PPARGC1A: variants seen among roughly 807,000 people sequenced by gnomAD.
PPARGC1A encodes the protein peroxisome proliferator-activated receptor gamma coactivator 1-alpha.
PPARGC1A carries 25 observed loss-of-function variants against 88.7 expected under a neutral mutation model. That is an observed-to-expected ratio of 0.28 (90% CI 0.21 to 0.39). The LOEUF (loss-of-function observed/expected upper bound fraction) is 0.39, where lower values mean the gene tolerates loss of function less well. PPARGC1A is among the 10% of genes least tolerant of loss of function. The probability of loss-of-function intolerance (pLI) is 1.00; values close to 1 mark genes in which losing one functional copy is unlikely to be tolerated. For synonymous variants in PPARGC1A, 363 were observed against 355.6 expected (o/e 1.02, Z -0.24); for missense variants, 880 against 968.7 (o/e 0.91, Z 1.22).
upstream of PPARGC1A, among the ~76,000 whole-genome samples, chr4:23,903,159 C>T (rs976838408): frequency 2.0e-5 from 3 of 152,110 alleles, no homozygotes; most frequent in Admixed American, 2.0e-4. Context: ...CTTAGCCCAT[C>T]CTATTTACTC....
At chr4:24,132,359 G>A in the PPARGC1A span, among the ~76,000 whole-genome samples, 4 of 151,916 alleles carry the variant, frequency 2.6e-5, no homozygotes, top group South Asian at 4.2e-4. Flanking sequence ...TGAAGAAAGC[G>A]ATAACTGCTG....
chr4:24,302,623 G>A, the PPARGC1A span, among the ~76,000 whole-genome samples: 1 of 152,222 alleles, frequency 6.6e-6, no homozygotes, highest in Non-Finnish European at 1.5e-5. Flanking sequence ...TACAGCAGGT[G>A]GATGAAGCAA....
rs139281425 is a variant in PPARGC1A at position 23,824,312 on chromosome 4, C to T, written c.845G>A (p.Arg282His). 8.0e-5 allele frequency: 129 copies of T among 1,613,278 alleles called. No individual in the cohort carries two copies. Among genetic ancestry groups the T allele is most frequent in the Non-Finnish European group, 1.0e-4 (120 of 1,179,638 alleles). ...TCCAGAGAGTTCCACACTTAAGGTGCGTTCAATAGTCTTGTTCTCAAATGG... is the reference window on the plus strand; with the variant it reads ...TCCAGAGAGTTCCACACTTAAGGTGTGTTCAATAGTCTTGTTCTCAAATGG... ...GSPFENKTIE[R>H]TLSVELSGTA... is the part of the protein sequence containing the mutation. Residue 282 changes from arginine to histidine, a missense_variant, in exon 7 of 13, where the codon CGC (arginine) becomes CAC (histidine). By Grantham distance (29) the Arg-to-His change is conservative. Coordinates refer to ENST00000264867, the MANE Select transcript of PPARGC1A (RefSeq NM_013261.5).
At chr4:24,344,996 T>C in the PPARGC1A span, among the ~76,000 whole-genome samples, 1 of 152,164 alleles carries the variant, frequency 6.6e-6, no homozygotes, top group Admixed American at 6.5e-5. Flanking sequence ...CCCAGCACCA[T>C]TTGTTGAAAA....
At chr4:24,469,416 T>G in the PPARGC1A span, among the ~76,000 whole-genome samples, 1 of 152,236 alleles carries the variant, frequency 6.6e-6, no homozygotes, top group Non-Finnish European at 1.5e-5. Context: ...CTGCCCCGGC[T>G]GCATTTACCA....
upstream of PPARGC1A, among the ~76,000 whole-genome samples, chr4:23,900,263 T>A (rs1042127948): frequency 1.3e-5 from 2 of 152,154 alleles, no homozygotes; most frequent in Admixed American, 6.5e-5. Context: ...AAAATTTTAG[T>A]CTTTCTTCTT....
chr4:24,053,260 T>A, the PPARGC1A span, among the ~76,000 whole-genome samples: 1 of 152,040 alleles, frequency 6.6e-6, no homozygotes, highest in Non-Finnish European at 1.5e-5. Context: ...TCCAGTTAAC[T>A]TAAAGGTTTT....
At chr4:23,978,540 G>A in the PPARGC1A span, among the ~76,000 whole-genome samples, 4 of 152,174 alleles carry the variant, frequency 2.6e-5, no homozygotes, top group Admixed American at 2.6e-4. Context: ...CAAAACAGAT[G>A]ATATATCCAA....
In PPARGC1A at chr4:23,805,931, A is replaced by G. The variant is rs151046241; in HGVS notation, c.2020-3586T>C. Among the ~76,000 whole-genome samples, 325 of 152,310 alleles carry G rather than the reference A, an allele frequency of 2.1e-3. 1 individual carries two copies. The highest frequency in any genetic ancestry group is 3.9e-3 in the South Asian group (19 of 4,830). On this transcript the variant is annotated intron_variant, in intron 10 of 12. Transcript: ENST00000264867. ...CATATGTATGCCCATATGCAGACAT[A>G]CTGGGACAGTCTCTGAATTGCAGCT...
At chr4:24,005,776 T>C in the PPARGC1A span, among the ~76,000 whole-genome samples, 6 of 151,540 alleles carry the variant, frequency 4.0e-5, no homozygotes, top group East Asian at 9.7e-4. Context: ...ATGTGTTGAT[T>C]GGCAAAAAAA....
At chr4:24,353,126 C>G in the PPARGC1A span, among the ~76,000 whole-genome samples, 16 of 151,802 alleles carry the variant, frequency 1.1e-4, no homozygotes, top group African/African-American at 3.9e-4. Flanking sequence ...GCAATCGAAC[C>G]AAAATCTGGC....
the PPARGC1A span, among the ~76,000 whole-genome samples, chr4:24,342,185 T>C: frequency 6.6e-6 from 1 of 152,210 alleles, no homozygotes; most frequent in Admixed American, 6.5e-5. Flanking sequence ...AGGCACTTGA[T>C]AAATACTTAT....
At chr4:24,365,680 A>G in the PPARGC1A span, among the ~76,000 whole-genome samples, 1 of 152,180 alleles carries the variant, frequency 6.6e-6, no homozygotes, top group African/African-American at 2.4e-5. Context: ...GTTGGGCTGC[A>G]TTCTCCAAAA....
upstream of PPARGC1A, among the ~76,000 whole-genome samples, chr4:23,901,220 A>C (rs1381908733): frequency 6.6e-6 from 1 of 152,142 alleles, no homozygotes; most frequent in Non-Finnish European, 1.5e-5. Flanking sequence ...AATATAAAAA[A>C]TTAGCCAGGC....
chr4:23,857,912 C>T (rs1730500191), intron 2 of PPARGC1A, among the ~76,000 whole-genome samples: 1 of 151,396 alleles, frequency 6.6e-6, no homozygotes, highest in Non-Finnish European at 1.5e-5. Flanking sequence ...TATCCTTCTG[C>T]CTTTCTGCTT....
At chr4:24,354,946 C>T in the PPARGC1A span, among the ~76,000 whole-genome samples, 1 of 152,066 alleles carries the variant, frequency 6.6e-6, no homozygotes, top group African/African-American at 2.4e-5. Context: ...TTGGCTTGGA[C>T]TTTTACCACT....
the PPARGC1A span, among the ~76,000 whole-genome samples, chr4:24,138,771 C>A: frequency 6.6e-6 from 1 of 152,132 alleles, no homozygotes; most frequent in Non-Finnish European, 1.5e-5. Flanking sequence ...CTCAGTTCAA[C>A]TAAAAACATC....
the PPARGC1A span, among the ~76,000 whole-genome samples, chr4:24,462,419 T>G: frequency 5.9e-4 from 90 of 152,092 alleles, 1 homozygote; most frequent in African/African-American, 2.1e-3. Flanking sequence ...TTGTCCTTGA[T>G]GCTCCTCTCT....
chr4:24,278,527 G>A, the PPARGC1A span, among the ~76,000 whole-genome samples: 4 of 152,204 alleles, frequency 2.6e-5, no homozygotes, highest in South Asian at 4.1e-4. Flanking sequence ...CTACACACAA[G>A]AAAAAACAGA....
Sources: allele counts gnomAD v4.1 joint callset (sites outside exome capture counted in the v4.1 genomes callset), GRCh38; gene constraint gnomAD v4.1.1; transcripts MANE v1.5; gene names NCBI Gene and HGNC (gene_info 2026-07-23, HGNC 2026-07-21).